CNTNAP2: variants seen among roughly 807,000 people sequenced by gnomAD.
CNTNAP2 encodes the protein contactin associated protein 2.
A neutral mutation model predicts 155.2 loss-of-function variants in CNTNAP2; 98 were observed. The observed-to-expected ratio is 0.63, with a 90% CI of 0.54 to 0.75. The LOEUF is 0.75. Among genes scored for constraint, CNTNAP2 ranks in the 30% least tolerant of loss-of-function variants. The pLI is 0.00. For synonymous variants in CNTNAP2, 651 were observed against 631.2 expected, an observed-to-expected ratio of 1.03 and a Z score of -0.47; for missense variants, 1,727 against 1,688.1, an observed-to-expected ratio of 1.02 and a Z score of -0.40.
chr7:148,162,871 G>A (rs1805576560), intron 17 of CNTNAP2, among the ~76,000 whole-genome samples: 1 of 152,174 alleles, frequency 6.6e-6, no homozygotes, highest in Admixed American at 6.5e-5. Flanking sequence ...ATGGTGACAT[G>A]TGCCTGTAAC....
chr7:147,562,146 G>A lies in CNTNAP2; in HGVS notation c.1786G>A (p.Glu596Lys), dbSNP rs141064983. ...SGATCHNSIYEPSCEAYKHLG... is the reference protein window; with the variant it reads ...SGATCHNSIYKPSCEAYKHLG... The stretch of plus-strand genomic sequence containing the variant: ...TATTTTGTTTGTTCTAGCTATCTAC[G>A]AGCCTTCCTGTGAAGCCTACAAACA... The change falls in exon 12 of 24, where the codon GAG (glutamate) becomes AAG (lysine). Residue 596 changes from glutamate to lysine, a missense_variant. Physicochemically the swap from Glu to Lys is moderately conservative, Grantham distance 56. Coordinates refer to ENST00000361727, the MANE Select transcript of CNTNAP2 (RefSeq NM_014141.6). The A allele has an allele frequency of 3.6e-4, 574 of 1,613,780 alleles. No individual in the cohort carries two copies. Among genetic ancestry groups the A allele is most frequent in the Non-Finnish European group, 4.6e-4 (538 of 1,179,870 alleles).
intron 13 of CNTNAP2, among the ~76,000 whole-genome samples, chr7:147,820,001 T>G (rs1472521024): frequency 6.6e-6 from 1 of 152,160 alleles, no homozygotes; most frequent in Non-Finnish European, 1.5e-5. Flanking sequence ...AGATCTATTT[T>G]TTTAAAATTC....
chr7:146,662,629 G>GT (rs1800112349), intron 1 of CNTNAP2, among the ~76,000 whole-genome samples: 1 of 151,736 alleles, frequency 6.6e-6, no homozygotes, highest in Admixed American at 6.6e-5. Flanking sequence ...ATTTATCAGT[G>GT]TTTTTCCTGA....
chr7:146,464,563 C>T (rs984784876), intron 1 of CNTNAP2, among the ~76,000 whole-genome samples: 1 of 152,178 alleles, frequency 6.6e-6, no homozygotes, highest in South Asian at 2.1e-4. Context: ...TCTGTAAATA[C>T]ATAGTTGCAC....
At chr7:146,914,236 T>C (rs1360546951) in intron 3 of CNTNAP2, among the ~76,000 whole-genome samples, 1 of 152,072 alleles carries the variant, frequency 6.6e-6, no homozygotes, top group East Asian at 1.9e-4. Context: ...TTTTTAATTG[T>C]GAATGGTGAT....
intron 1 of CNTNAP2, among the ~76,000 whole-genome samples, chr7:146,655,927 T>C (rs1799989342): frequency 6.6e-6 from 1 of 152,180 alleles, no homozygotes; most frequent in African/African-American, 2.4e-5. Context: ...AGCATCTCTC[T>C]AGAAATAGGA....
chr7:146,746,642 T>G (rs1004235708), intron 1 of CNTNAP2, among the ~76,000 whole-genome samples: 1 of 152,164 alleles, frequency 6.6e-6, no homozygotes, highest in Non-Finnish European at 1.5e-5. Flanking sequence ...TTTGCACATT[T>G]ACTTTTAGTA....
At chr7:147,879,960 G>C (rs1563121798) in intron 13 of CNTNAP2, among the ~76,000 whole-genome samples, 1 of 152,206 alleles carries the variant, frequency 6.6e-6, no homozygotes, top group African/African-American at 2.4e-5. Context: ...AAAAGCCAGT[G>C]CCTGCTGTTC....
intron 1 of CNTNAP2, among the ~76,000 whole-genome samples, chr7:146,183,661 AC>A (rs1446239986): frequency 2.0e-5 from 3 of 151,610 alleles, no homozygotes; most frequent in Non-Finnish European, 4.4e-5. Flanking sequence ...TGCAATTCCT[AC>A]TAGAAACTCA....
At chr7:147,494,846 A>G (rs1477142782) in intron 11 of CNTNAP2, among the ~76,000 whole-genome samples, 1 of 152,166 alleles carries the variant, frequency 6.6e-6, no homozygotes, top group African/African-American at 2.4e-5. Context: ...CTCCTTTGAT[A>G]CTTTTTAACT....
chr7:147,595,949 A>G (rs899731261), intron 12 of CNTNAP2, among the ~76,000 whole-genome samples: 1 of 152,028 alleles, frequency 6.6e-6, no homozygotes, highest in African/African-American at 2.4e-5. Context: ...TGACGTATAA[A>G]TGTTTTGTTT....
At chr7:146,513,333 T>G (rs993304432) in intron 1 of CNTNAP2, among the ~76,000 whole-genome samples, 2 of 151,940 alleles carry the variant, frequency 1.3e-5, no homozygotes, top group African/African-American at 4.8e-5. Flanking sequence ...ACTACTGCCA[T>G]TTGGTTATTT....
At position 147,284,088 on chromosome 7, in the gene CNTNAP2, C is replaced by T. The variant is rs1308859510; in HGVS notation, c.1349-16053C>T. Among the ~76,000 whole-genome samples the T allele has an allele frequency of 6.6e-6, 1 of 151,628 alleles. No individual in the cohort carries two copies. The highest frequency in any genetic ancestry group is 1.5e-5 in the Non-Finnish European group (1 of 67,784). Reference sequence around the variant, plus strand: ...TAATGTTTAGAGTCATCCAGAACGGCAAGTACAAATGTGAAGCCAAAAGTT... The same window carrying T: ...TAATGTTTAGAGTCATCCAGAACGGTAAGTACAAATGTGAAGCCAAAAGTT... On this transcript the variant is annotated intron_variant, in intron 8 of 23. Transcript: ENST00000361727.
At chr7:146,618,177 A>G (rs999235596) in intron 1 of CNTNAP2, among the ~76,000 whole-genome samples, 2 of 152,210 alleles carry the variant, frequency 1.3e-5, no homozygotes, top group Non-Finnish European at 2.9e-5. Context: ...TTTATGGGCT[A>G]CAGCTCAGAA....
At chr7:147,314,398 A>G (rs1045061770) in intron 9 of CNTNAP2, among the ~76,000 whole-genome samples, 13 of 151,758 alleles carry the variant, frequency 8.6e-5, no homozygotes, top group African/African-American at 2.9e-4. Flanking sequence ...AGATCTTTCT[A>G]TCTCATTCAC....
intron 16 of CNTNAP2, among the ~76,000 whole-genome samples, chr7:148,142,102 T>TGTGC (rs1805086122): frequency 6.7e-6 from 1 of 149,906 alleles, no homozygotes; most frequent in Non-Finnish European, 1.5e-5. Context: ...TCTGTGTGTG[T>TGTGC]GTGTGTGTGT....
intron 12 of CNTNAP2, among the ~76,000 whole-genome samples, chr7:147,599,834 A>G (rs1800909534): frequency 6.6e-6 from 1 of 152,164 alleles, no homozygotes; most frequent in East Asian, 1.9e-4. Flanking sequence ...TACATCTGCA[A>G]AGACGCTATT....
intron 1 of CNTNAP2, among the ~76,000 whole-genome samples, chr7:146,652,618 G>C (rs1321613417): frequency 4.6e-5 from 7 of 152,042 alleles, no homozygotes; most frequent in Non-Finnish European, 1.0e-4. Context: ...CTTAAAGGAA[G>C]AGAAATAGAA....
At position 147,150,608 on chromosome 7, in the gene CNTNAP2, A is replaced by G. The variant is rs149643716; in HGVS notation, c.1348+18099A>G. Among the ~76,000 whole-genome samples the G allele has an allele frequency of 4.0e-3, 606 of 152,320 alleles. 5 individuals carry two copies. Among genetic ancestry groups the G allele is most frequent in the African/African-American group, 0.014 (579 of 41,584 alleles). On this transcript the variant is annotated intron_variant, in intron 8 of 23. Coordinates refer to ENST00000361727, the MANE Select transcript of CNTNAP2 (RefSeq NM_014141.6). Reference sequence around the variant, plus strand: ...TATGGAAGGCTTAGACAGGAAAGATACTAATTTCACTAGATAGAGAAAACC... The same window carrying G: ...TATGGAAGGCTTAGACAGGAAAGATGCTAATTTCACTAGATAGAGAAAACC...
Sources: allele counts gnomAD v4.1 joint callset (sites outside exome capture counted in the v4.1 genomes callset), GRCh38; gene constraint gnomAD v4.1.1; transcripts MANE v1.5; gene names NCBI Gene and HGNC (gene_info 2026-07-23, HGNC 2026-07-21).